Variants in MYPN observed in about 807,000 individuals in gnomAD.
The protein encoded by MYPN is sarcomeric protein myopalladin, 145 kDa (MYOP).
In MYPN, 63 loss-of-function variants were observed where a neutral mutation model predicts 129.4. The ratio of observed to expected loss-of-function variants is 0.49; its 90% confidence interval spans 0.40 to 0.60. The LOEUF is 0.60. Ranked by LOEUF, MYPN falls within the 20% of genes least tolerant of loss-of-function variation. The pLI is 0.00. For synonymous variants in MYPN, 629 were observed against 600.9 expected (o/e 1.05, Z -0.68); for missense variants, 1,596 against 1,635.4 (o/e 0.98, Z 0.42).
At chr10:68,161,884 CG>C in intron 8 of MYPN, 132 bp downstream of exon 8, 2 of 693,568 alleles carry the variant, frequency 2.9e-6, no homozygotes, top group East Asian at 2.9e-5. Context: ...CCAAATGGGC[CG>C]GGTGCAGTGG....
intron 8 of MYPN, chr10:68,162,187 AAAC>A (rs200295312): frequency 0.035 from 5,071 of 143,642 alleles, 131 homozygotes; most frequent in Non-Finnish European, 0.056. Flanking sequence ...AAAAAAAAAA[AAAC>A]ATCCAAATGA....
intron 10 of MYPN, among the ~76,000 whole-genome samples, chr10:68,170,098 A>T (rs929055583): frequency 6.6e-6 from 1 of 152,198 alleles, no homozygotes; most frequent in Non-Finnish European, 1.5e-5. Context: ...AGAGGTTTCA[A>T]CCAAAATCTG....
intron 1 of MYPN, among the ~76,000 whole-genome samples, chr10:68,110,626 C>T (rs183969383): frequency 4.1e-4 from 62 of 152,168 alleles, no homozygotes; most frequent in African/African-American, 1.4e-3. Flanking sequence ...TGAAATGAAT[C>T]CTACAAACAC....
chr10:68,176,375 T>C lies in MYPN; in HGVS notation c.2703+914T>C, dbSNP rs146183906. On this transcript the variant is annotated intron_variant, in intron 12 of 19. Transcript: ENST00000358913. ...GTTTACATTATAATAATCTAACTCTTGGTTTATTTCCCAAGATTGGAACTG... is the reference window on the plus strand; with the variant it reads ...GTTTACATTATAATAATCTAACTCTCGGTTTATTTCCCAAGATTGGAACTG... 1.2e-3 allele frequency among the ~76,000 whole-genome samples: 186 copies of C among 152,342 alleles called. No individual in the cohort carries two copies. In the Middle Eastern group the frequency reaches 0.014, roughly 11 times the overall value.
intron 1 of MYPN, among the ~76,000 whole-genome samples, chr10:68,091,206 T>C (rs896820858): frequency 6.6e-6 from 1 of 152,060 alleles, no homozygotes; most frequent in Non-Finnish European, 1.5e-5. Flanking sequence ...TTGTGAGCAT[T>C]GGCCTGGGCT....
At chr10:68,102,427 G>A (rs1266720526), upstream of MYPN, among the ~76,000 whole-genome samples, 3 of 152,060 alleles carry the variant, frequency 2.0e-5, no homozygotes, top group South Asian at 4.1e-4. Context: ...TTCACCTGCT[G>A]TGCTTCTCTT....
intron 6 of MYPN, among the ~76,000 whole-genome samples, chr10:68,150,314 C>T (rs2042747249): frequency 6.6e-6 from 1 of 152,122 alleles, no homozygotes; most frequent in South Asian, 2.1e-4. Context: ...AGAGAAATGT[C>T]TTTCCCTCTT....
At chr10:68,094,917 C>T (rs2041949337) in intron 1 of MYPN, among the ~76,000 whole-genome samples, 1 of 152,020 alleles carries the variant, frequency 6.6e-6, no homozygotes, top group South Asian at 2.1e-4. Context: ...CAAAAAGTAG[C>T]TGGGCATGGT....
chr10:68,129,151 G>C (rs779485797), intron 2 of MYPN, among the ~76,000 whole-genome samples: 1 of 152,064 alleles, frequency 6.6e-6, no homozygotes, highest in Non-Finnish European at 1.5e-5. Context: ...GCCACATCTC[G>C]GACCCACTGA....
chr10:68,157,670 CAAAA>C (rs71009010), intron 6 of MYPN, among the ~76,000 whole-genome samples: 11 of 84,860 alleles, frequency 1.3e-4, no homozygotes, highest in Admixed American at 2.7e-4. Context: ...CCTGTCTCTA[CAAAA>C]AAAAAAAAAA....
chr10:68,186,393 T>C (rs555492814), intron 12 of MYPN, among the ~76,000 whole-genome samples: 1 of 152,324 alleles, frequency 6.6e-6, no homozygotes, highest in African/African-American at 2.4e-5. Flanking sequence ...ATCACTAATG[T>C]GATTTAGCTT....
chr10:68,106,944 C>A (rs776725266), upstream of MYPN: 12 of 622,222 alleles, frequency 1.9e-5, no homozygotes, highest in South Asian at 5.7e-5. Flanking sequence ...ATGTAACCAA[C>A]CTTGTGTTTG....
At chr10:68,161,813 C>A in intron 8 of MYPN, 61 bp downstream of exon 8, 1 of 1,267,198 alleles carries the variant, frequency 7.9e-7, no homozygotes. Context: ...TACAAGAATA[C>A]ATAATGAAGT....
chr10:68,112,333 C>A (rs1380522675), intron 1 of MYPN, among the ~76,000 whole-genome samples: 1 of 152,214 alleles, frequency 6.6e-6, no homozygotes, highest in Non-Finnish European at 1.5e-5. Flanking sequence ...CGCTTCCCTA[C>A]ATGTTTGTCA....
chr10:68,162,436 A>C (rs1393839075), intron 8 of MYPN, among the ~76,000 whole-genome samples: 1 of 152,228 alleles, frequency 6.6e-6, no homozygotes, highest in Non-Finnish European at 1.5e-5. Flanking sequence ...ATGCATCATC[A>C]GATTTTGAAG....
Position 68,174,629 on chromosome 10 carries a change from T to G in MYPN, c.2537T>G (p.Met846Arg). 6.2e-7 allele frequency: 1 copy of G among 1,614,126 alleles called. No homozygotes were observed. The highest frequency in any genetic ancestry group is 8.5e-7 in the Non-Finnish European group (1 of 1,180,008). ...SLPAIPPTNA[M>R]GLPRSAPSMP... is the part of the protein sequence containing the mutation. ...CCTGCCATCCCACCCACAAATGCCA[T>G]GGGGCTGCCTAGAAGTGCACCATCC... Residue 846 changes from methionine to arginine, a missense_variant, in exon 11 of 20, where the codon ATG becomes AGG. Physicochemically the swap from Met to Arg is moderately conservative, Grantham distance 91 (BLOSUM62 -1). Transcript: ENST00000358913.
chr10:68,199,473 CT>C lies in MYPN; in HGVS notation c.3392del (p.Leu1131ArgfsTer33). The C allele has an allele frequency of 6.2e-7, 1 of 1,614,182 alleles. No homozygotes were observed. Among genetic ancestry groups the C allele is most frequent in the Non-Finnish European group, 8.5e-7 (1 of 1,180,032 alleles). On this transcript the variant is annotated frameshift_variant, in exon 17 of 20. Coordinates refer to ENST00000358913, the MANE Select transcript of MYPN (RefSeq NM_032578.4). LOFTEE classifies it high-confidence loss of function. ...GGTCAGGGAGACCGGAGTCCACTCT[CT>C]GCTCATTGACCCACTCACTCAGCGC... ...MLVRETGVHS[L>X]LIDPLTQRDA...
chr10:68,098,609 G>A (rs1037294266), intron 1 of MYPN, among the ~76,000 whole-genome samples: 1 of 152,076 alleles, frequency 6.6e-6, no homozygotes, highest in East Asian at 1.9e-4. Context: ...ACTTTGGGAG[G>A]CCGAGGCGGG....
chr10:68,182,509 T>C lies in MYPN; in HGVS notation c.2704-6396T>C, dbSNP rs1163127246. Among the ~76,000 whole-genome samples the C allele has an allele frequency of 2.1e-5, 3 of 141,346 alleles. No individual in the cohort carries two copies. The South Asian group carries it at 6.7e-4, about 32-fold the overall frequency. 92.7% of individuals were successfully genotyped at this position (141,346 alleles called of 152,430 possible). A position where few individuals can be genotyped will look rare whatever the true frequency, so the allele number is the denominator to read the frequency against. On this transcript the variant is annotated intron_variant, in intron 12 of 19. Transcript: ENST00000358913. ...ACACACACACACACATATATATATA[T>C]GGCATTTTTTTTTTTGAGATGGAGT...
Sources: gnomAD v4.1 joint callset for allele counts (sites outside exome capture counted in the v4.1 genomes callset) on GRCh38, gnomAD v4.1.1 for gene constraint, MANE v1.5 for transcripts, NCBI Gene and HGNC (gene_info 2026-07-23, HGNC 2026-07-21) for gene names.